Variants in GPR161 observed in about 807,000 individuals in gnomAD.
GPR161 encodes G-protein coupled receptor RE2.
In GPR161, 25 loss-of-function variants were observed where a neutral mutation model predicts 39.2. The ratio of observed to expected loss-of-function variants is 0.64; its 90% CI spans 0.47 to 0.89. GPR161 has a LOEUF of 0.89. Among genes scored for constraint, GPR161 ranks in the 40% least tolerant of loss-of-function variants. The pLI is 0.00. For synonymous variants in GPR161, 286 were observed against 276.6 expected, an observed-to-expected ratio of 1.03 and a Z score of -0.34; for missense variants, 547 against 677.8, an observed-to-expected ratio of 0.81 and a Z score of 2.14.
At chr1:168,107,718 G>A (rs903543783) in intron 1 of GPR161, among the ~76,000 whole-genome samples, 2 of 152,200 alleles carry the variant, frequency 1.3e-5, no homozygotes, top group African/African-American at 4.8e-5. Flanking sequence ...TATGCCCATG[G>A]TACTCAAACA....
At chr1:168,090,077 C>T (rs1050350268) in intron 4 of GPR161, among the ~76,000 whole-genome samples, 1 of 152,226 alleles carries the variant, frequency 6.6e-6, no homozygotes, top group Non-Finnish European at 1.5e-5. Context: ...CATTAAGTCT[C>T]TCAATTCTCA....
chr1:168,125,177 T>TA (rs1400987203), intron 1 of GPR161, among the ~76,000 whole-genome samples: 1 of 152,212 alleles, frequency 6.6e-6, no homozygotes, highest in African/African-American at 2.4e-5. Flanking sequence ...TCAAGAGTAT[T>TA]AAAGGTCTGC....
rs951986439 is a variant in GPR161, at chr1:168,098,009, G to C, written c.375-777C>G. On this transcript the variant is annotated intron_variant, in intron 2 of 5. Coordinates refer to ENST00000682931, the MANE Select transcript of GPR161 (RefSeq NM_001375883.1). The surrounding 1 kb of genome is among the most constrained non-coding windows in gnomAD (Gnocchi z 4.1). The stretch of plus-strand genomic sequence containing the variant: ...AGGGGGCGGGTCCGAATCACTCAGT[G>C]CTGCTAGGTAGGAGGTGGGCCAGGA... 6.6e-5 allele frequency among the ~76,000 whole-genome samples: 10 copies of C among 152,180 alleles called. No homozygotes were observed. Among genetic ancestry groups the C allele is most frequent in the Non-Finnish European group, 1.3e-4 (9 of 68,032 alleles).
upstream of GPR161, chr1:168,137,189 C>A: frequency 7.1e-7 from 1 of 1,417,244 alleles, no homozygotes; most frequent in South Asian, 1.5e-5. Flanking sequence ...CCACTTTTCT[C>A]CTGAAAACCT....
intron 1 of GPR161, among the ~76,000 whole-genome samples, chr1:168,129,214 A>C (rs1698811505): frequency 6.6e-6 from 1 of 152,232 alleles, no homozygotes; most frequent in African/African-American, 2.4e-5. Context: ...ATTTGAGCAG[A>C]GACCAGAAAA....
In GPR161 at chr1:168,131,255, T is replaced by A. The variant is rs181468466; in HGVS notation, c.-45+5484A>T. Among the ~76,000 whole-genome samples the A allele has an allele frequency of 8.7e-4, 131 of 151,308 alleles. 1 individual carries two copies. The South Asian group carries it at 0.015, about 17-fold the overall frequency. ...CACACCAATCTCTCCTCCCAACTAT[T>A]GCCAGACTGATTGTCCCCTACACAG... On this transcript the variant is annotated intron_variant, in intron 1 of 5. Coordinates refer to ENST00000682931, the MANE Select transcript of GPR161 (RefSeq NM_001375883.1).
chr1:168,099,395 C>T (rs1695873125), intron 2 of GPR161, among the ~76,000 whole-genome samples: 1 of 152,176 alleles, frequency 6.6e-6, no homozygotes, highest in Non-Finnish European at 1.5e-5. Context: ...CACACAGACG[C>T]TCCACCCTGT....
chr1:168,135,128 T>A lies in GPR161; in HGVS notation c.-45+1611A>T. 4 of 1,398,170 alleles carry A rather than the reference T, an allele frequency of 2.9e-6. No homozygotes were observed. In the South Asian group the frequency reaches 5.9e-5, roughly 21 times the overall value. 86.6% of individuals were successfully genotyped at this position (1,398,170 alleles called of 1,614,324 possible). A position where few individuals can be genotyped will look rare whatever the true frequency, so the allele number is the denominator to read the frequency against. On this transcript the variant is annotated intron_variant, in intron 1 of 5. Transcript: ENST00000682931. ...GCCTCTTAATGAGGGGTCTCTATTC[T>A]TGATGTTATGGCAGTGGAGCTACAG...
rs1342875261 is a variant in GPR161 at position 168,085,703 on chromosome 1, T to C, written c.1418A>G (p.Glu473Gly). Reference sequence around the variant, plus strand: ...CTCCCCAAATAAGTTGATTTTGGCTTCGGCCTCAATGGCTTTGGCCAAGCT... The same window carrying C: ...CTCCCCAAATAAGTTGATTTTGGCTCCGGCCTCAATGGCTTTGGCCAAGCT... ...AASLAKAIEAEAKINLFGEEA... is the reference protein window; with the variant it reads ...AASLAKAIEAGAKINLFGEEA... Residue 473 changes from glutamate (E) to glycine (G), a missense_variant, in exon 6 of 6, where the codon GAA becomes GGA. Coordinates refer to ENST00000682931, the MANE Select transcript of GPR161 (RefSeq NM_001375883.1). The C allele has an allele frequency of 6.2e-7, 1 of 1,614,248 alleles. No homozygotes were observed. Among genetic ancestry groups the C allele is most frequent in the South Asian group, 1.1e-5 (1 of 91,090 alleles).
At chr1:168,094,030 G>C (rs539104372) in intron 3 of GPR161, among the ~76,000 whole-genome samples, 2 of 145,028 alleles carry the variant, frequency 1.4e-5, no homozygotes, top group East Asian at 4.1e-4. Context: ...CCACAAGCCT[G>C]CTTTCCCTAA....
chr1:168,088,435 C>T (rs1261362825), intron 4 of GPR161: 4 of 152,208 alleles, frequency 2.6e-5, no homozygotes, highest in African/African-American at 9.6e-5. Context: ...GAAAGAGAAA[C>T]CTGGAGCTCT....
At chr1:168,108,790 GA>G (rs1369010143) in intron 1 of GPR161, among the ~76,000 whole-genome samples, 1 of 152,026 alleles carries the variant, frequency 6.6e-6, no homozygotes, top group African/African-American at 2.4e-5. Flanking sequence ...ACCATAAAGA[GA>G]AAAAAATTAA....
intron 1 of GPR161, among the ~76,000 whole-genome samples, chr1:168,111,815 A>G (rs1034816774): frequency 2.6e-5 from 4 of 152,234 alleles, no homozygotes; most frequent in African/African-American, 9.6e-5. Flanking sequence ...CCTCAAATTG[A>G]AAGAGCATAT....
intron 1 of GPR161, among the ~76,000 whole-genome samples, chr1:168,108,028 G>A (rs1696763121): frequency 6.6e-6 from 1 of 152,182 alleles, no homozygotes; most frequent in Non-Finnish European, 1.5e-5. Flanking sequence ...TGTTTATTTA[G>A]CTCATGGTTC....
intron 1 of GPR161, among the ~76,000 whole-genome samples, chr1:168,131,963 C>T (rs1485386491): frequency 1.3e-5 from 2 of 152,176 alleles, no homozygotes; most frequent in African/African-American, 4.8e-5. Flanking sequence ...AATACATCAG[C>T]ATTTAAAATG....
intron 2 of GPR161, among the ~76,000 whole-genome samples, chr1:168,101,873 C>A (rs1306736200): frequency 2.0e-5 from 3 of 151,832 alleles, no homozygotes; most frequent in Non-Finnish European, 4.4e-5. Context: ...ATGGCATGAT[C>A]TCGGCTCACT....
At position 168,083,262 on chromosome 1, in the gene GPR161, T is replaced by G. The variant is rs1413218370; in HGVS notation, c.*2269A>C. On this transcript the variant is annotated 3_prime_UTR_variant, in exon 6 of 6. Transcript: ENST00000682931. Reference sequence around the variant, plus strand: ...CCTCAGTAAAAAAAGGGAAACACAGTGAATCATTTTGTGAAATGCAGTATT... The same window carrying G: ...CCTCAGTAAAAAAAGGGAAACACAGGGAATCATTTTGTGAAATGCAGTATT... The G allele has an allele frequency of 1.3e-5, 2 of 152,140 alleles. No individual in the cohort carries two copies. Among genetic ancestry groups the G allele is most frequent in the East Asian group, 1.9e-4 (1 of 5,180 alleles). The allele number at this position is 152,140 out of a possible 1,614,324, so 9.4% of individuals were successfully genotyped here.
At position 168,103,427 on chromosome 1, in the gene GPR161, GA is replaced by G. The variant is rs373919071; in HGVS notation, c.374+1049del. Among the ~76,000 whole-genome samples, 273 of 117,228 alleles carry G rather than the reference GA, an allele frequency of 2.3e-3. 2 individuals are homozygous for G. The highest frequency in any genetic ancestry group is 5.9e-3 in the Admixed American group (60 of 10,252). The allele number at this position is 117,228 out of a possible 152,430, so 76.9% of individuals were successfully genotyped here. On this transcript the variant is annotated intron_variant, in intron 2 of 5. Transcript: ENST00000682931. ...TTCTGGATTACCTCTACTACTCAGGGAAAAAAAAAAAAAAAGAGAAGCTAAT... is the reference window on the plus strand; with the variant it reads ...TTCTGGATTACCTCTACTACTCAGGGAAAAAAAAAAAAAAGAGAAGCTAAT...
chr1:168,099,149 C>G (rs2102149573), intron 2 of GPR161, among the ~76,000 whole-genome samples: 1 of 152,308 alleles, frequency 6.6e-6, no homozygotes, highest in South Asian at 2.1e-4. Flanking sequence ...GCGATGACCC[C>G]CAGGGGACAC....
Sources: allele counts gnomAD v4.1 joint callset (sites outside exome capture counted in the v4.1 genomes callset), GRCh38; gene constraint gnomAD v4.1.1; non-coding constraint Gnocchi (gnomAD v3.1); transcripts MANE v1.5; gene names NCBI Gene and HGNC (gene_info 2026-07-23, HGNC 2026-07-21).